Variants in ICA1L observed in about 807,000 individuals in gnomAD.
ICA1L encodes islet cell autoantigen 1 like, also known as islet cell autoantigen 1-like protein.
A neutral mutation model predicts 61.3 loss-of-function variants in ICA1L; 50 were observed. That is an observed-to-expected ratio of 0.82 (90% confidence interval 0.65 to 1.03). The LOEUF (loss-of-function observed/expected upper bound fraction) is 1.03. Ranked by LOEUF, ICA1L falls within the 50% of genes least tolerant of loss-of-function variation. The pLI, the probability that ICA1L is intolerant of heterozygous loss-of-function variation, is 0.00. For synonymous variants in ICA1L, 161 were observed against 191.3 expected (o/e 0.84, Z 1.31); for missense variants, 508 against 556.7 (o/e 0.91, Z 0.88).
At chr2:202,795,271 G>A (rs1191254948) in intron 10 of ICA1L, among the ~76,000 whole-genome samples, 2 of 151,966 alleles carry the variant, frequency 1.3e-5, no homozygotes, top group South Asian at 2.1e-4. Flanking sequence ...GATTACAGGC[G>A]TGAGCCACCG....
At chr2:202,851,457 T>C (rs908818337) in intron 1 of ICA1L, among the ~76,000 whole-genome samples, 1 of 152,220 alleles carries the variant, frequency 6.6e-6, no homozygotes, top group African/African-American at 2.4e-5. Flanking sequence ...CTGTGAATAG[T>C]GCCACAATAA....
At position 202,775,208 on chromosome 2, in the gene ICA1L, G is replaced by A. The variant is rs764943103; in HGVS notation, c.*4325C>T. Reference sequence around the variant, plus strand: ...CTACTAAATTAATATTTTAAAGTTCGTTTTTCCTTCCTAATTTCTATATTC... The same window carrying A: ...CTACTAAATTAATATTTTAAAGTTCATTTTTCCTTCCTAATTTCTATATTC... On this transcript the variant is annotated 3_prime_UTR_variant, in exon 13 of 13. Transcript: ENST00000358299. 2.6e-5 allele frequency: 4 copies of A among 152,100 alleles called. No individual in the cohort carries two copies. Among genetic ancestry groups the A allele is most frequent in the African/African-American group, 7.2e-5 (3 of 41,420 alleles). The allele number at this position is 152,100 out of a possible 1,614,324, so 9.4% of individuals were successfully genotyped here.
intron 12 of ICA1L, among the ~76,000 whole-genome samples, chr2:202,784,423 C>T (rs1318005140): frequency 1.3e-5 from 2 of 151,932 alleles, no homozygotes; most frequent in South Asian, 2.1e-4. Context: ...CCAGCCTGGG[C>T]GACTCTGTCT....
At chr2:202,796,272 T>A (rs1262013684) in intron 10 of ICA1L, among the ~76,000 whole-genome samples, 2 of 152,070 alleles carry the variant, frequency 1.3e-5, no homozygotes, top group Non-Finnish European at 2.9e-5. Context: ...AAGAAAAGAT[T>A]AACCAATTGG....
At chr2:202,825,919 G>C in intron 2 of ICA1L, 152 bp from the exon 3 acceptor site, 2 of 484,546 alleles carry the variant, frequency 4.1e-6, no homozygotes, top group Non-Finnish European at 7.0e-6. Context: ...CTTCAGTTTT[G>C]GTTTTACTTC....
At chr2:202,794,345 CAA>C (rs202022262) in intron 10 of ICA1L, among the ~76,000 whole-genome samples, 9 of 90,888 alleles carry the variant, frequency 9.9e-5, no homozygotes, top group African/African-American at 1.4e-4. Flanking sequence ...GACTCCATCT[CAA>C]AAAAAAAAAA....
At position 202,825,592 on chromosome 2, in the gene ICA1L, G is replaced by A. The variant is rs938609439; in HGVS notation, c.235+103C>T. The A allele has an allele frequency of 2.2e-5, 29 of 1,299,330 alleles. No homozygotes were observed. In the East Asian group the frequency reaches 7.0e-4, roughly 31 times the overall value. 80.5% of individuals were successfully genotyped at this position (1,299,330 alleles called of 1,614,324 possible). A position where few individuals can be genotyped will look rare whatever the true frequency, so the allele number is the denominator to read the frequency against. On this transcript the variant is annotated intron_variant, in intron 3 of 12. Coordinates refer to ENST00000358299, the MANE Select transcript of ICA1L (RefSeq NM_001288622.3). The stretch of plus-strand genomic sequence containing the variant: ...TGTAAATATTCATATTTTGCCATAA[G>A]AAGCTATTCACAAAATTGTTTTTAC...
chr2:202,797,591 A>G (rs549363771), intron 9 of ICA1L, among the ~76,000 whole-genome samples: 15 of 152,318 alleles, frequency 9.8e-5, no homozygotes, highest in Middle Eastern at 3.4e-3. Flanking sequence ...GCACAATCTC[A>G]GCTCACTGGA....
At chr2:202,848,106 A>G (rs1431279580) in intron 1 of ICA1L, among the ~76,000 whole-genome samples, 2 of 152,032 alleles carry the variant, frequency 1.3e-5, no homozygotes, top group African/African-American at 4.8e-5. Context: ...GGAGGTGTTG[A>G]GATTAGCCAC....
intron 12 of ICA1L, among the ~76,000 whole-genome samples, chr2:202,784,751 A>G (rs1692527467): frequency 6.6e-6 from 1 of 152,238 alleles, no homozygotes; most frequent in Non-Finnish European, 1.5e-5. Flanking sequence ...TTTCAGTTGT[A>G]TGAGGTATCT....
At chr2:202,792,683 G>A (rs1403785579) in intron 10 of ICA1L, among the ~76,000 whole-genome samples, 1 of 152,050 alleles carries the variant, frequency 6.6e-6, no homozygotes, top group Non-Finnish European at 1.5e-5. Flanking sequence ...ACACACGCCT[G>A]TAGTCCCAGC....
Position 202,819,913 on chromosome 2 carries a change from G to A in ICA1L, c.360-14C>T, listed in dbSNP as rs200825233. The A allele has an allele frequency of 3.4e-4, 547 of 1,605,124 alleles. 1 individual carries two copies. Among genetic ancestry groups the A allele is most frequent in the Admixed American group, 3.5e-4 (21 of 59,564 alleles). On this transcript the variant is annotated splice_polypyrimidine_tract_variant and intron_variant, in intron 4 of 12. Transcript: ENST00000358299. ...CACAGGGCCAATCTAATGGCAGAGA[G>A]GTAAAAATCAGAGGGTTGAACACAT...
intron 1 of ICA1L, chr2:202,841,435 T>G (rs1009037361): frequency 3.4e-6 from 4 of 1,187,780 alleles, no homozygotes; most frequent in Admixed American, 1.7e-5. Flanking sequence ...CAGCATCTTG[T>G]TCTGCTGCTC....
In ICA1L at chr2:202,775,264, G is replaced by A. The variant is rs1692185714; in HGVS notation, c.*4269C>T. The A allele has an allele frequency of 6.6e-6, 1 of 152,084 alleles. No individual in the cohort carries two copies. The highest frequency in any genetic ancestry group is 2.4e-5 in the African/African-American group (1 of 41,412). 9.4% of individuals were successfully genotyped at this position (152,084 alleles called of 1,614,324 possible). A position where few individuals can be genotyped will look rare whatever the true frequency, so the allele number is the denominator to read the frequency against. On this transcript the variant is annotated 3_prime_UTR_variant, in exon 13 of 13. Transcript: ENST00000358299. The stretch of plus-strand genomic sequence containing the variant: ...TTCTGGGACTGCTTCATTGCTCAAG[G>A]TAGAGAAATGCAGGGCCCTGCCAAC...
chr2:202,812,066 T>C (rs1693394133), intron 8 of ICA1L, among the ~76,000 whole-genome samples: 1 of 152,088 alleles, frequency 6.6e-6, no homozygotes, highest in East Asian at 1.9e-4. Flanking sequence ...ACCTTCACCA[T>C]CAAAACCATA....
chr2:202,827,265 G>T (rs1175754042), intron 2 of ICA1L, among the ~76,000 whole-genome samples: 2 of 152,204 alleles, frequency 1.3e-5, no homozygotes, highest in Middle Eastern at 3.4e-3. Flanking sequence ...ATGGTGGCAG[G>T]CTCCTGTAAT....
chr2:202,791,404 C>A (rs377572385), intron 10 of ICA1L, among the ~76,000 whole-genome samples: 1 of 152,176 alleles, frequency 6.6e-6, no homozygotes, highest in Admixed American at 6.5e-5. Flanking sequence ...ACTCTTACAA[C>A]TTAATAAGAT....
rs1462555700 is a variant in ICA1L at position 202,862,272 on chromosome 2, C to CCAAAAAAAAA, written c.-8+9346_-8+9347insTTTTTTTTTG. ...GCAACACAGTAAGACCTCATTTCTA[C>CCAAAAAAAAA]AAAAAAAAAAAAAAAAAAAAAAAAA... On this transcript the variant is annotated intron_variant, in intron 1 of 12. Transcript: ENST00000358299. Among the ~76,000 whole-genome samples the CCAAAAAAAAA allele has an allele frequency of 2.1e-4, 13 of 62,978 alleles. 3 individuals are homozygous for CCAAAAAAAAA. The highest frequency in any genetic ancestry group is 4.5e-4 in the Admixed American group (2 of 4,458). 41.3% of individuals were successfully genotyped at this position (62,978 alleles called of 152,430 possible).
intron 9 of ICA1L, among the ~76,000 whole-genome samples, chr2:202,799,128 G>T (rs930786275): frequency 3.9e-5 from 6 of 151,904 alleles, no homozygotes; most frequent in Non-Finnish European, 8.8e-5. Context: ...ATTTTTCTTT[G>T]GATAGATAAC....
Sources: allele counts gnomAD v4.1 joint callset (sites outside exome capture counted in the v4.1 genomes callset), GRCh38; gene constraint gnomAD v4.1.1; transcripts MANE v1.5; gene names NCBI Gene and HGNC (gene_info 2026-07-23, HGNC 2026-07-21).